The following XKR4 variants were observed in gnomAD, a reference collection of about 807,000 sequenced individuals.
The protein encoded by XKR4 is XK-related protein 4.
XKR4 carries 12 observed loss-of-function variants against 53.9 expected under a neutral mutation model. The ratio of observed to expected loss-of-function variants is 0.22; its 90% CI spans 0.14 to 0.36. XKR4 has a LOEUF of 0.36. XKR4 is among the 10% of genes least tolerant of loss of function. XKR4 has a pLI of 1.00. For missense variants in XKR4, 799 were observed against 859.5 expected, an observed-to-expected ratio of 0.93 and a Z score of 0.88; for synonymous variants, 354 against 362.4, an observed-to-expected ratio of 0.98 and a Z score of 0.26.
intron 2 of XKR4, among the ~76,000 whole-genome samples, chr8:55,470,548 C>T (rs1055554315): frequency 1.3e-5 from 2 of 152,138 alleles, no homozygotes; most frequent in African/African-American, 4.8e-5. Context: ...GTCCATTAAA[C>T]CTCTTTCTTC....
chr8:55,146,810 G>A (rs185930263), intron 1 of XKR4, among the ~76,000 whole-genome samples: 1 of 152,320 alleles, frequency 6.6e-6, no homozygotes, highest in East Asian at 1.9e-4. Flanking sequence ...CAAATGAAAG[G>A]TGGGACTGGC....
intron 1 of XKR4, among the ~76,000 whole-genome samples, chr8:55,254,034 T>C (rs1657636195): frequency 1.3e-5 from 2 of 152,028 alleles, no homozygotes; most frequent in Admixed American, 6.6e-5. Context: ...GCCTATTTTC[T>C]TGTACACCTT....
intron 1 of XKR4, among the ~76,000 whole-genome samples, chr8:55,225,495 G>C (rs1817939813): frequency 6.6e-6 from 1 of 152,150 alleles, no homozygotes; most frequent in Admixed American, 6.5e-5. Flanking sequence ...GCGACCAATG[G>C]TCCTATTAAT....
rs371383249 is a variant in XKR4 at position 55,524,261 on chromosome 8, A to T, written c.*34A>T. 1 of 1,581,240 alleles carries T rather than the reference A, an allele frequency of 6.3e-7. No individual in the cohort carries two copies. The highest frequency in any genetic ancestry group is 8.6e-7 in the Non-Finnish European group (1 of 1,159,956). On this transcript the variant is annotated 3_prime_UTR_variant, in exon 3 of 3. Coordinates refer to ENST00000327381, the MANE Select transcript of XKR4 (RefSeq NM_052898.2). ...GAGTTGCAGGACCCACAACATCCAG[A>T]TGAAGGGGTGACAGCAGGGCTGTGG...
Position 55,289,646 on chromosome 8 carries a change from A to AAAGGAAGGAAGG in XKR4, c.807-68029_807-68018dup, listed in dbSNP as rs770482436. On this transcript the variant is annotated intron_variant, in intron 1 of 2. Coordinates refer to ENST00000327381, the MANE Select transcript of XKR4 (RefSeq NM_052898.2). ...GAAAGAAAGAAAGAAAGAAAGAAAG[A>AAAGGAAGGAAGG]AAGGAAGGAAGGAAAAGAAAAGAAA... is the stretch of plus-strand genomic sequence containing the variant. 1.4e-3 allele frequency among the ~76,000 whole-genome samples: 126 copies of AAAGGAAGGAAGG among 87,002 alleles called. 3 individuals carry two copies. The highest frequency in any genetic ancestry group is 5.5e-3 in the African/African-American group (97 of 17,744). The allele number at this position is 87,002 out of a possible 152,430, so 57.1% of individuals were successfully genotyped here. A position where few individuals can be genotyped will look rare whatever the true frequency, so the allele number is the denominator to read the frequency against.
At chr8:55,487,775 C>T (rs1455275069) in intron 2 of XKR4, among the ~76,000 whole-genome samples, 1 of 152,168 alleles carries the variant, frequency 6.6e-6, no homozygotes, top group African/African-American at 2.4e-5. Context: ...CTAGTTACTC[C>T]TTAATCCAGT....
At chr8:55,414,981 A>G (rs1399813447) in intron 2 of XKR4, among the ~76,000 whole-genome samples, 2 of 152,232 alleles carry the variant, frequency 1.3e-5, no homozygotes, top group Non-Finnish European at 2.9e-5. Context: ...GTAATGTGGT[A>G]TTGGAGTGCC....
intron 2 of XKR4, among the ~76,000 whole-genome samples, chr8:55,425,481 C>G (rs1804998650): frequency 6.6e-6 from 1 of 152,186 alleles, no homozygotes; most frequent in African/African-American, 2.4e-5. Context: ...AGATCTCCAG[C>G]CTTGATCCTT....
intron 2 of XKR4, among the ~76,000 whole-genome samples, chr8:55,378,009 T>C (rs766542402): frequency 6.6e-6 from 1 of 152,240 alleles, no homozygotes; most frequent in Non-Finnish European, 1.5e-5. Context: ...ACCAATCAGA[T>C]GCTGTCTTCA....
intron 1 of XKR4, among the ~76,000 whole-genome samples, chr8:55,151,910 C>T (rs1378203388): frequency 6.6e-6 from 1 of 152,132 alleles, no homozygotes; most frequent in Non-Finnish European, 1.5e-5. Flanking sequence ...ACTATCTTTA[C>T]TGTCAAAATA....
rs796950110 is a variant in XKR4 at position 55,526,224 on chromosome 8, T to G, written c.*1997T>G. On this transcript the variant is annotated 3_prime_UTR_variant, in exon 3 of 3. Coordinates refer to ENST00000327381, the MANE Select transcript of XKR4 (RefSeq NM_052898.2). ...TAATTCACACAAAGTAGTCCAGTTC[T>G]CTAGCCACCACCTGTAATGGGTGTG... The G allele has an allele frequency of 3.9e-5, 6 of 152,424 alleles. No individual in the cohort carries two copies. The highest frequency in any genetic ancestry group is 1.4e-4 in the African/African-American group (6 of 41,584). 9.4% of individuals were successfully genotyped at this position (152,424 alleles called of 1,614,324 possible). A position where few individuals can be genotyped will look rare whatever the true frequency, so the allele number is the denominator to read the frequency against.
intron 1 of XKR4, among the ~76,000 whole-genome samples, chr8:55,305,060 C>T (rs1819274250): frequency 6.6e-6 from 1 of 152,014 alleles, no homozygotes; most frequent in Non-Finnish European, 1.5e-5. Context: ...GAGAGAGGCA[C>T]CCAGATTGGG....
intron 1 of XKR4, among the ~76,000 whole-genome samples, chr8:55,294,241 A>T (rs1207540781): frequency 6.6e-6 from 1 of 152,136 alleles, no homozygotes; most frequent in East Asian, 1.9e-4. Context: ...CCTCATAAAG[A>T]CTTAATTTAA....
At position 55,523,703 on chromosome 8, in the gene XKR4, C is replaced by T. The variant is rs967785403; in HGVS notation, c.1429C>T (p.Leu477Phe). ...TACAGCCTTGAGTGCCCTCTGGTAC[C>T]TCTACAAGGCTCCCCAGATTGCAGA... ...ENTALSALWY[L>F]YKAPQIADAF... Residue 477 changes from leucine (L) to phenylalanine (F), a missense_variant, in exon 3 of 3, where the codon CTC (leucine) becomes TTC (phenylalanine). This residue lies in a region of XKR4 where 269 missense variants were observed against 264.4 expected (regional missense o/e 1.02). Transcript: ENST00000327381. 2.5e-6 allele frequency: 4 copies of T among 1,614,190 alleles called. No individual in the cohort carries two copies. The highest frequency in any genetic ancestry group is 1.7e-5 in the Admixed American group (1 of 60,028).
intron 1 of XKR4, among the ~76,000 whole-genome samples, chr8:55,259,103 T>C (rs1818478302): frequency 6.6e-6 from 1 of 152,118 alleles, no homozygotes. Context: ...ACACAGTGCA[T>C]GAGGTAAGAG....
At chr8:55,175,982 T>C (rs1026503250) in intron 1 of XKR4, among the ~76,000 whole-genome samples, 2 of 152,198 alleles carry the variant, frequency 1.3e-5, no homozygotes, top group Non-Finnish European at 2.9e-5. Flanking sequence ...AATGAAAATA[T>C]TAATATCCAT....
intron 1 of XKR4, among the ~76,000 whole-genome samples, chr8:55,229,137 T>G (rs1817995686): frequency 6.6e-6 from 1 of 152,336 alleles, no homozygotes; most frequent in African/African-American, 2.4e-5. Flanking sequence ...TCTAGCAGGC[T>G]TCTAGTGGGG....
chr8:55,259,648 A>G (rs943918732), intron 1 of XKR4, among the ~76,000 whole-genome samples: 1 of 152,068 alleles, frequency 6.6e-6, no homozygotes, highest in Non-Finnish European at 1.5e-5. Flanking sequence ...GAAGTGATTC[A>G]TCTCTCCCGA....
chr8:55,305,227 A>G (rs912521704), intron 1 of XKR4, among the ~76,000 whole-genome samples: 4 of 152,218 alleles, frequency 2.6e-5, no homozygotes, highest in African/African-American at 9.6e-5. Context: ...TTCAATAGCC[A>G]CAGGTGGATG....
Sources: allele counts gnomAD v4.1 joint callset (sites outside exome capture counted in the v4.1 genomes callset), GRCh38; gene constraint gnomAD v4.1.1; regional missense constraint gnomAD v4.1.1; transcripts MANE v1.5; gene names NCBI Gene and HGNC (gene_info 2026-07-23, HGNC 2026-07-21).